DMD: variants seen among roughly 807,000 people sequenced by gnomAD.
DMD encodes mutant dystrophin.
In DMD, 63 loss-of-function variants were observed where a neutral mutation model predicts 330.1. That is an observed-to-expected ratio of 0.19 (90% confidence interval 0.16 to 0.24). DMD has a LOEUF of 0.24. DMD is among the 10% of genes least tolerant of loss of function. The pLI, the probability that DMD is intolerant of heterozygous loss-of-function variation, is 1.00. For synonymous variants in DMD, 1,223 were observed against 959.8 expected, an observed-to-expected ratio of 1.27 and a Z score of -5.07; for missense variants, 3,344 against 2,684.1, an observed-to-expected ratio of 1.25 and a Z score of -5.43.
intron 44 of DMD, among the ~76,000 whole-genome samples, chrX:32,213,020 A>AATTCACTTCTTTAAAGTG (rs2097098926): frequency 8.9e-6 from 1 of 112,304 alleles, no homozygotes; most frequent in Admixed American, 9.5e-5. Flanking sequence ...TAAAGTGAAA[A>AATTCACTTCTTTAAAGTG]AAATATGATG....
chrX:32,708,873 C>T (rs1227752275), intron 7 of DMD, among the ~76,000 whole-genome samples: 1 of 111,493 alleles, frequency 9.0e-6, no homozygotes, highest in East Asian at 2.8e-4. Context: ...CCATCACACA[C>T]AAACTTCAAC....
At chrX:32,310,512 C>T (rs764542455) in intron 41 of DMD, among the ~76,000 whole-genome samples, 1 of 111,193 alleles carries the variant, frequency 9.0e-6, no homozygotes, top group East Asian at 2.9e-4. Context: ...CACATATTAG[C>T]ACCATAAATA....
At chrX:31,699,748 G>A (rs1488274007) in intron 52 of DMD, among the ~76,000 whole-genome samples, 1 of 111,851 alleles carries the variant, frequency 8.9e-6, no homozygotes, top group Non-Finnish European at 1.9e-5. Flanking sequence ...TTACTTTGAA[G>A]GGCATCAGAA....
At chrX:33,080,308 T>C (rs1217535350) in intron 1 of DMD, among the ~76,000 whole-genome samples, 1 of 111,501 alleles carries the variant, frequency 9.0e-6, no homozygotes, top group Non-Finnish European at 1.9e-5. Context: ...ATCAACCCTG[T>C]ATAAACCCTT....
intron 53 of DMD, among the ~76,000 whole-genome samples, chrX:31,664,417 T>G (rs1452151848): frequency 9.0e-6 from 1 of 111,464 alleles, no homozygotes; most frequent in Admixed American, 9.6e-5. Flanking sequence ...TAAGTTCTTA[T>G]TTACTTGATT....
chrX:32,511,037 C>A (rs982605465), intron 18 of DMD, among the ~76,000 whole-genome samples: 10 of 109,415 alleles, frequency 9.1e-5, no homozygotes, highest in Non-Finnish European at 1.7e-4. Flanking sequence ...ACCCCTTTCC[C>A]ATGTTTTCAA....
At chrX:31,522,361 C>CTA (rs1454794019) in intron 55 of DMD, among the ~76,000 whole-genome samples, 774 of 50,102 alleles carry the variant, frequency 0.015, 8 homozygotes, top group Non-Finnish European at 0.018. Flanking sequence ...CTCTCTCTCT[C>CTA]TCTATATATA....
At chrX:32,497,655 G>A (rs1036755085) in intron 19 of DMD, among the ~76,000 whole-genome samples, 3 of 111,820 alleles carry the variant, frequency 2.7e-5, no homozygotes, top group Non-Finnish European at 3.8e-5. Context: ...GCTTTTTTGT[G>A]TTATGCCTGA....
At chrX:31,276,244 A>C (rs2052105175) in intron 62 of DMD, among the ~76,000 whole-genome samples, 1 of 111,215 alleles carries the variant, frequency 9.0e-6, no homozygotes. Flanking sequence ...TTTTTGGTAG[A>C]GACGGGGTTT....
rs530384799 is a variant in DMD, at chrX:32,935,080, G to A, written c.93+85059C>T. Among the ~76,000 whole-genome samples, 24 of 112,604 alleles carry A rather than the reference G, an allele frequency of 2.1e-4. 1 individual carries two copies. The South Asian group carries it at 8.7e-3, about 41-fold the overall frequency. The stretch of plus-strand genomic sequence containing the variant: ...TGCAAGCTCCGCCTCCCGGGTTCAC[G>A]CCATTCTCCTGCCTCAGCCTCCCGA... On this transcript the variant is annotated intron_variant, in intron 2 of 78. Transcript: ENST00000357033.
intron 50 of DMD, among the ~76,000 whole-genome samples, chrX:31,802,371 G>A (rs772587422): frequency 9.0e-6 from 1 of 111,251 alleles, no homozygotes; most frequent in South Asian, 3.8e-4. Context: ...TGAAAGGTGG[G>A]ACTATTAGTC....
intron 15 of DMD, among the ~76,000 whole-genome samples, chrX:32,569,559 T>C (rs745917577): frequency 8.9e-6 from 1 of 111,737 alleles, no homozygotes; most frequent in Non-Finnish European, 1.9e-5. Flanking sequence ...TCCTAACAAA[T>C]TTCCTTGATA....
At chrX:32,720,412 T>C (rs1364865031) in intron 7 of DMD, among the ~76,000 whole-genome samples, 1 of 111,457 alleles carries the variant, frequency 9.0e-6, no homozygotes, top group African/African-American at 3.3e-5. Flanking sequence ...CAATCGTTTT[T>C]TTACTTAGCT....
At chrX:32,332,390 A>G (rs949157351) in intron 41 of DMD, among the ~76,000 whole-genome samples, 7 of 98,075 alleles carry the variant, frequency 7.1e-5, no homozygotes, top group South Asian at 5.1e-4. Flanking sequence ...TGAGAAAAAT[A>G]AATGAGGAAA....
At chrX:33,104,313 C>A (rs1025111547) in intron 1 of DMD, among the ~76,000 whole-genome samples, 1 of 111,753 alleles carries the variant, frequency 8.9e-6, no homozygotes, top group South Asian at 3.7e-4. Flanking sequence ...AACTGTCAGG[C>A]CTCTGAGCCC....
chrX:32,009,069 G>T (rs150437008), intron 44 of DMD, among the ~76,000 whole-genome samples: 1 of 111,097 alleles, frequency 9.0e-6, no homozygotes, highest in East Asian at 2.8e-4. Context: ...ATGGGGAGAT[G>T]GGAAGGAAGC....
In DMD at chrX:32,196,586, T is replaced by A. The variant is rs142978357; in HGVS notation, c.6438+20330A>T. 3.5e-3 allele frequency among the ~76,000 whole-genome samples: 395 copies of A among 112,195 alleles called. 3 individuals are homozygous for A. Among genetic ancestry groups the A allele is most frequent in the African/African-American group, 0.012 (364 of 30,922 alleles). On this transcript the variant is annotated intron_variant, in intron 44 of 78. Transcript: ENST00000357033. Reference sequence around the variant, plus strand: ...ATATGTGCTGATTGAGTTGTCTTCATTATTTCTTATAAAATATCTCCAATG... The same window carrying A: ...ATATGTGCTGATTGAGTTGTCTTCAATATTTCTTATAAAATATCTCCAATG...
At chrX:33,231,006 T>G (rs2148881710) in intron 1 of DMD, among the ~76,000 whole-genome samples, 1 of 111,641 alleles carries the variant, frequency 9.0e-6, no homozygotes, top group East Asian at 2.8e-4. Flanking sequence ...CCTTGGTACT[T>G]CATGAGTATT....
chrX:32,868,409 C>T (rs1391434055), intron 2 of DMD, among the ~76,000 whole-genome samples: 2 of 111,241 alleles, frequency 1.8e-5, no homozygotes, highest in African/African-American at 6.6e-5. Flanking sequence ...CGGGGAGGGG[C>T]GGCATCTAAG....
Sources: gnomAD v4.1 joint callset for allele counts (sites outside exome capture counted in the v4.1 genomes callset) on GRCh38, gnomAD v4.1.1 for gene constraint, MANE v1.5 for transcripts, NCBI Gene and HGNC (gene_info 2026-07-23, HGNC 2026-07-21) for gene names.